Variants in HS3ST5 observed in about 807,000 individuals in gnomAD.
HS3ST5 encodes the protein heparan sulfate-glucosamine 3-sulfotransferase 5.
In HS3ST5, 10 loss-of-function variants were observed where a neutral mutation model predicts 25.4. That is an observed-to-expected ratio of 0.39 (90% CI 0.24 to 0.67). HS3ST5 has a LOEUF of 0.67. HS3ST5 is among the 30% of genes least tolerant of loss of function. HS3ST5 has a pLI of 0.44. For synonymous variants in HS3ST5, 170 were observed against 162.4 expected (o/e 1.05, Z -0.36); for missense variants, 324 against 420.7 (o/e 0.77, Z 2.01).
At chr6:114,095,262 A>G (rs1582594638) in intron 3 of HS3ST5, among the ~76,000 whole-genome samples, 1 of 152,112 alleles carries the variant, frequency 6.6e-6, no homozygotes, top group Non-Finnish European at 1.5e-5. Flanking sequence ...AATGACAGAG[A>G]CCCTGGAGCC....
At chr6:114,254,795 C>G (rs1158399488) in intron 1 of HS3ST5, among the ~76,000 whole-genome samples, 2 of 152,132 alleles carry the variant, frequency 1.3e-5, no homozygotes, top group African/African-American at 4.8e-5. Flanking sequence ...ACCACGAGAA[C>G]AGTATGAGGG....
intron 2 of HS3ST5, among the ~76,000 whole-genome samples, chr6:114,187,069 T>C (rs1780253019): frequency 1.3e-5 from 2 of 152,192 alleles, no homozygotes; most frequent in Admixed American, 6.5e-5. Flanking sequence ...TCACTGCTCA[T>C]TGATAATACA....
intron 3 of HS3ST5, among the ~76,000 whole-genome samples, chr6:114,072,423 A>C (rs1773875218): frequency 1.3e-5 from 2 of 152,166 alleles, no homozygotes; most frequent in Non-Finnish European, 2.9e-5. Context: ...GTCATTATTA[A>C]AAATTAAAAT....
At chr6:114,227,598 G>T (rs531601279) in intron 2 of HS3ST5, among the ~76,000 whole-genome samples, 1 of 151,908 alleles carries the variant, frequency 6.6e-6, no homozygotes, top group Non-Finnish European at 1.5e-5. Context: ...GTAAACTTCC[G>T]TAAATGTATC....
chr6:114,171,271 A>T (rs190644802), intron 2 of HS3ST5, among the ~76,000 whole-genome samples: 24 of 152,332 alleles, frequency 1.6e-4, no homozygotes, highest in Admixed American at 1.3e-3. Flanking sequence ...AAAATTTCTT[A>T]TGAGTCAGTC....
At chr6:114,242,876 A>AAG (rs57014358) in intron 1 of HS3ST5, among the ~76,000 whole-genome samples, 1 of 151,284 alleles carries the variant, frequency 6.6e-6, no homozygotes, top group East Asian at 1.9e-4. Flanking sequence ...AAAAAAAAAA[A>AAG]GAAGAAGGTG....
chr6:114,110,932 T>C (rs774872420), intron 3 of HS3ST5, among the ~76,000 whole-genome samples: 6 of 152,222 alleles, frequency 3.9e-5, no homozygotes, highest in Non-Finnish European at 8.8e-5. Flanking sequence ...TCCTATTTTC[T>C]AAGAATATCA....
chr6:114,079,068 G>T (rs1177915826), intron 3 of HS3ST5, among the ~76,000 whole-genome samples: 1 of 152,208 alleles, frequency 6.6e-6, no homozygotes, highest in African/African-American at 2.4e-5. Flanking sequence ...TGGGCCTTCG[G>T]TGAGTTGTAA....
At chr6:114,129,251 CTTTTTTTTTTTT>C (rs398048772) in intron 3 of HS3ST5, among the ~76,000 whole-genome samples, 1 of 98,022 alleles carries the variant, frequency 1.0e-5, no homozygotes, top group Non-Finnish European at 1.9e-5. Context: ...CAACAAGAAC[CTTTTTTTTTTTT>C]TTTTTTTTTT....
At chr6:114,181,826 T>C (rs1419928817) in intron 2 of HS3ST5, among the ~76,000 whole-genome samples, 1 of 152,120 alleles carries the variant, frequency 6.6e-6, no homozygotes, top group Non-Finnish European at 1.5e-5. Context: ...AAAAATAGAC[T>C]TCCTGACTCA....
intron 3 of HS3ST5, among the ~76,000 whole-genome samples, chr6:114,125,254 A>G (rs1199640411): frequency 2.0e-5 from 3 of 152,226 alleles, no homozygotes; most frequent in Non-Finnish European, 2.9e-5. Flanking sequence ...TCAATTAGGA[A>G]AAGCATATAC....
intron 3 of HS3ST5, among the ~76,000 whole-genome samples, chr6:114,098,290 A>G (rs1775547922): frequency 6.6e-6 from 1 of 151,854 alleles, no homozygotes; most frequent in Non-Finnish European, 1.5e-5. Flanking sequence ...CAACCTGGTA[A>G]CTGAAGTTAA....
chr6:114,058,262 CAA>C, intron 4 of HS3ST5, 72 bp from the exon 5 acceptor site: 1 of 1,183,184 alleles, frequency 8.5e-7, no homozygotes, highest in Non-Finnish European at 1.2e-6. Context: ...CCAGTCAGAC[CAA>C]GACTTTAAAT....
At chr6:114,323,192 G>A (rs1399918282) in intron 1 of HS3ST5, among the ~76,000 whole-genome samples, 1 of 152,096 alleles carries the variant, frequency 6.6e-6, no homozygotes, top group Non-Finnish European at 1.5e-5. Flanking sequence ...CCATGCCCCA[G>A]AATGAAGGGA....
intron 1 of HS3ST5, among the ~76,000 whole-genome samples, chr6:114,318,472 G>T (rs1451958198): frequency 6.6e-6 from 1 of 151,976 alleles, no homozygotes; most frequent in Non-Finnish European, 1.5e-5. Context: ...GACAACAAAA[G>T]GTTGCCCTGG....
intron 3 of HS3ST5, among the ~76,000 whole-genome samples, chr6:114,163,954 G>C (rs186181884): frequency 2.6e-5 from 4 of 152,148 alleles, no homozygotes; most frequent in Admixed American, 2.6e-4. Flanking sequence ...AGCTGTATAA[G>C]AAGACAACAA....
chr6:114,252,397 A>G (rs1385505289), intron 1 of HS3ST5, among the ~76,000 whole-genome samples: 1 of 152,230 alleles, frequency 6.6e-6, no homozygotes, highest in Non-Finnish European at 1.5e-5. Flanking sequence ...AAGAGAAGCT[A>G]TACATTGGAG....
chr6:114,073,003 A>G (rs1213536952), intron 3 of HS3ST5, among the ~76,000 whole-genome samples: 1 of 152,118 alleles, frequency 6.6e-6, no homozygotes, highest in Non-Finnish European at 1.5e-5. Flanking sequence ...ATCTACAACC[A>G]TCTGATCTTT....
chr6:114,155,696 G>A (rs1411335615), intron 3 of HS3ST5, among the ~76,000 whole-genome samples: 3 of 152,222 alleles, frequency 2.0e-5, no homozygotes, highest in Non-Finnish European at 2.9e-5. Flanking sequence ...GTGACATAAT[G>A]TATATTTTTT....
Sources: allele counts gnomAD v4.1 joint callset (sites outside exome capture counted in the v4.1 genomes callset), GRCh38; gene constraint gnomAD v4.1.1; transcripts MANE v1.5; gene names NCBI Gene and HGNC (gene_info 2026-07-23, HGNC 2026-07-21).